EP400: variants seen among roughly 807,000 people sequenced by gnomAD.
The protein encoded by EP400 is E1A binding protein p400.
EP400 carries 105 observed loss-of-function variants against 354.1 expected under a neutral mutation model. That is an observed-to-expected ratio of 0.30 (90% CI 0.25 to 0.35). The LOEUF is 0.35. EP400 is among the 10% of genes least tolerant of loss of function. The pLI is 1.00. For missense variants in EP400, 3,280 were observed against 4,121.0 expected, an observed-to-expected ratio of 0.80 and a Z score of 5.59; for synonymous variants, 1,646 against 1,716.9, an observed-to-expected ratio of 0.96 and a Z score of 1.02.
rs373509013 is a variant in EP400 at position 132,013,161 on chromosome 12, G to A, written c.3594G>A (p.Ala1198=). Residue 1198 remains alanine (A), a synonymous_variant, in exon 17 of 53, where the codon GCG becomes GCA. Transcript: ENST00000389561. This position sits in a 1 kb window ranked among gnomAD's most constrained non-coding sequence, Gnocchi z 4.5. ...GCATGACCGAGAGGCACTGGGAAGC[G>A]GTTTTCACCCTGCAGAGGTCTGTGT... The part of the protein sequence containing the change: ...VKGMTERHWE[A]VFTLQSQQRL... 36 of 1,613,458 alleles carry A rather than the reference G, an allele frequency of 2.2e-5. No homozygotes were observed. Among genetic ancestry groups the A allele is most frequent in the Admixed American group, 2.2e-4 (13 of 59,984 alleles).
chr12:131,982,820 A>G (rs1286476967), intron 5 of EP400, among the ~76,000 whole-genome samples: 2 of 152,102 alleles, frequency 1.3e-5, no homozygotes, highest in South Asian at 2.1e-4. Flanking sequence ...AAATACAAAA[A>G]TTAGCCAGGC....
rs1170501099 is a variant in EP400, at chr12:132,055,493, G to C, written c.7884+285G>C. On this transcript the variant is annotated intron_variant, in intron 45 of 52. Transcript: ENST00000389561. ...GTGTGTGAGGTGTAGGGGTGTGTGT[G>C]AGGTGTAGGTGTGTGTGTGTGAGGT... Among the ~76,000 whole-genome samples the C allele has an allele frequency of 4.8e-5, 7 of 146,856 alleles. No homozygotes were observed. The East Asian group carries it at 1.5e-3, about 31-fold the overall frequency.
At chr12:131,982,553 TCA>T in intron 5 of EP400, 75 bp downstream of exon 5, 4 of 1,493,236 alleles carry the variant, frequency 2.7e-6, no homozygotes, top group Non-Finnish European at 3.6e-6. Flanking sequence ...AGACAGAGTG[TCA>T]CACCACACTG....
intron 1 of EP400, among the ~76,000 whole-genome samples, chr12:131,952,892 C>T (rs1342625823): frequency 6.6e-6 from 1 of 152,106 alleles, no homozygotes; most frequent in South Asian, 2.1e-4. Context: ...GAACAGTTCA[C>T]ATTGAAAGAT....
At chr12:132,001,183 C>T (rs1015322435) in intron 12 of EP400, among the ~76,000 whole-genome samples, 3 of 152,168 alleles carry the variant, frequency 2.0e-5, no homozygotes, top group Non-Finnish European at 1.5e-5. Flanking sequence ...CCCACCAAGA[C>T]GCGGAGACTG....
intron 2 of EP400, among the ~76,000 whole-genome samples, chr12:131,978,251 G>T (rs559549274): frequency 4.6e-5 from 7 of 152,004 alleles, no homozygotes; most frequent in Non-Finnish European, 1.0e-4. Context: ...TTGCTCCCCC[G>T]CCCATGTGCA....
rs1387447716 is a variant in EP400 at position 132,006,371 on chromosome 12, A to G, written c.3126+69A>G. The G allele has an allele frequency of 2.1e-5, 32 of 1,525,618 alleles. No homozygotes were observed. In the East Asian group the frequency reaches 6.4e-4, roughly 30 times the overall value. 94.5% of individuals were successfully genotyped at this position (1,525,618 alleles called of 1,614,324 possible). A position where few individuals can be genotyped will look rare whatever the true frequency, so the allele number is the denominator to read the frequency against. On this transcript the variant is annotated intron_variant, in intron 14 of 52. Coordinates refer to ENST00000389561, the MANE Select transcript of EP400 (RefSeq NM_015409.5). ...CAGAGCACATAGCTTAGCCATGAGA[A>G]AAGCTTTTCCTCTTCCCAGTGAAAT...
chr12:132,018,106 G>T lies in EP400; in HGVS notation c.4111-104G>T. On this transcript the variant is annotated intron_variant, in intron 20 of 52. Transcript: ENST00000389561. The surrounding 1 kb of genome is among the most constrained non-coding windows in gnomAD (Gnocchi z 4.0). The stretch of plus-strand genomic sequence containing the variant: ...GCCGAGTGGCCGTTAGAGGGGGCGC[G>T]TCTGGATGCCCACGTTAGGGCCCTG... 6.9e-7 allele frequency: 1 copy of T among 1,448,692 alleles called. No individual in the cohort carries two copies. The highest frequency in any genetic ancestry group is 9.4e-7 in the Non-Finnish European group (1 of 1,059,660). The allele number at this position is 1,448,692 out of a possible 1,614,324, so 89.7% of individuals were successfully genotyped here. A position where few individuals can be genotyped will look rare whatever the true frequency, so the allele number is the denominator to read the frequency against.
intron 39 of EP400, among the ~76,000 whole-genome samples, chr12:132,048,161 G>A (rs1174565788): frequency 6.6e-6 from 1 of 151,996 alleles, no homozygotes; most frequent in Non-Finnish European, 1.5e-5. Flanking sequence ...ATCATCACAG[G>A]GTCCTGAGGC....
Position 132,062,114 on chromosome 12 carries a change from C to T in EP400, c.7889C>T (p.Pro2630Leu), listed in dbSNP as rs374438318. Residue 2630 changes from proline (P) to leucine (L), a missense_variant, in exon 46 of 53, where the codon CCG (proline) becomes CTG (leucine). Transcript: ENST00000389561. Reference sequence around the variant, plus strand: ...TCCTCTGTTTGCCTTTTCTAGACGCCGGGAGGCTCTGCTCCCGCCCAGGTG... The same window carrying T: ...TCCTCTGTTTGCCTTTTCTAGACGCTGGGAGGCTCTGCTCCCGCCCAGGTG... The part of the protein sequence containing the change: ...SPVAPGALTT[P>L]GGSAPAQVVH... 2.4e-5 allele frequency: 38 copies of T among 1,612,302 alleles called. No individual in the cohort carries two copies. The highest frequency in any genetic ancestry group is 4.5e-5 in the East Asian group (2 of 44,864).
intron 47 of EP400, among the ~76,000 whole-genome samples, chr12:132,064,100 A>G (rs1373885011): frequency 9.1e-5 from 13 of 142,818 alleles, no homozygotes; most frequent in Admixed American, 7.8e-4. Flanking sequence ...CCCGGCCTAC[A>G]GCCACACAGG....
At position 132,006,216 on chromosome 12, in the gene EP400, G is replaced by A. The variant is rs756403141; in HGVS notation, c.3040G>A (p.Gly1014Arg). 25 of 1,614,064 alleles carry A rather than the reference G, an allele frequency of 1.5e-5. No individual in the cohort carries two copies. The East Asian group carries it at 4.9e-4, about 32-fold the overall frequency. Residue 1014 changes from glycine to arginine, a missense_variant, in exon 14 of 53, where the codon GGG becomes AGG. Coordinates refer to ENST00000389561, the MANE Select transcript of EP400 (RefSeq NM_015409.5). Reference sequence around the variant, plus strand: ...CAAAGCTGCCGAGAGGATGAATATCGGGAAGCCAAACGCCAAGGACATTGC... The same window carrying A: ...CAAAGCTGCCGAGAGGATGAATATCAGGAAGCCAAACGCCAAGGACATTGC... Reference protein sequence around the residue: ...QFKAAERMNIGKPNAKDIADV... With the variant: ...QFKAAERMNIRKPNAKDIADV...
chr12:132,062,221 G>A lies in EP400; in HGVS notation c.7996G>A (p.Gly2666Ser). 2 of 1,614,176 alleles carry A rather than the reference G, an allele frequency of 1.2e-6. No individual in the cohort carries two copies. Among genetic ancestry groups the A allele is most frequent in the Non-Finnish European group, 1.7e-6 (2 of 1,180,036 alleles). Reference sequence around the variant, plus strand: ...CCTGGTGTCCATGGCAACGACTCAGGGTGTTCGAGCGGTCACTTCTGTGAC... The same window carrying A: ...CCTGGTGTCCATGGCAACGACTCAGAGTGTTCGAGCGGTCACTTCTGTGAC... ...PDLVSMATTQ[G>S]VRAVTSVTAS... The change falls in exon 46 of 53, where the codon GGT becomes AGT. Residue 2666 changes from glycine (G) to serine (S), a missense_variant. Transcript: ENST00000389561.
Position 132,032,208 on chromosome 12 carries a change from G to T in EP400, c.5951+59G>T, listed in dbSNP as rs1410689275. 4.0e-6 allele frequency: 6 copies of T among 1,516,312 alleles called. No homozygotes were observed. The East Asian group carries it at 1.4e-4, about 36-fold the overall frequency. 93.9% of individuals were successfully genotyped at this position (1,516,312 alleles called of 1,614,324 possible). On this transcript the variant is annotated intron_variant, in intron 30 of 52. Transcript: ENST00000389561. The stretch of plus-strand genomic sequence containing the variant: ...CAAAGACATCCACATATACAGGTGA[G>T]GGCCTGCGGGGATGGCCGCGTGGAA...
rs1194084699 is a variant in EP400, at chr12:132,053,494, TCCAGCCCCAACC to T, written c.7632_7643del (p.Pro2548_Gln2551del). 13 of 1,536,194 alleles carry T rather than the reference TCCAGCCCCAACC, an allele frequency of 8.5e-6. No individual in the cohort carries two copies. Among genetic ancestry groups the T allele is most frequent in the East Asian group, 2.4e-5 (1 of 41,000 alleles). The stretch of plus-strand genomic sequence containing the variant: ...CAGCCGCCAGCAGGGCCACCAGCTG[TCCAGCCCCAACC>T]CCAGCCACAGCCCCAGACCCAGCCA... On this transcript the variant is annotated inframe_deletion, in exon 43 of 53. Transcript: ENST00000389561.
chr12:132,011,749 C>G (rs1187504254), intron 16 of EP400, 115 bp downstream of exon 16: 1 of 1,273,006 alleles, frequency 7.9e-7, no homozygotes, highest in Non-Finnish European at 1.1e-6. Flanking sequence ...AAAGATCACT[C>G]ATTCATGAGT....
intron 2 of EP400, among the ~76,000 whole-genome samples, chr12:131,969,497 T>A (rs1220241859): frequency 6.6e-6 from 1 of 152,170 alleles, no homozygotes; most frequent in Non-Finnish European, 1.5e-5. Context: ...TTTATTTTGA[T>A]GCTCAGGTTA....
chr12:131,981,702 T>TGG, intron 4 of EP400, 106 bp downstream of exon 4: 1 of 880,360 alleles, frequency 1.1e-6, no homozygotes, highest in Non-Finnish European at 1.8e-6. Context: ...GTAGCGTGTT[T>TGG]GCAGTGGGGT....
intron 51 of EP400, among the ~76,000 whole-genome samples, chr12:132,071,782 C>G (rs1184405211): frequency 6.6e-6 from 1 of 152,176 alleles, no homozygotes; most frequent in African/African-American, 2.4e-5. Context: ...CCCCTACCAG[C>G]GCTGCTCACA....
Sources: allele counts gnomAD v4.1 joint callset (sites outside exome capture counted in the v4.1 genomes callset), GRCh38; gene constraint gnomAD v4.1.1; non-coding constraint Gnocchi (gnomAD v3.1); transcripts MANE v1.5; gene names NCBI Gene and HGNC (gene_info 2026-07-23, HGNC 2026-07-21).